The following RNF145 variants were observed in gnomAD, a reference collection of about 807,000 sequenced individuals.
The protein encoded by RNF145 is ring finger protein 145.
In RNF145, 12 loss-of-function variants were observed where a neutral mutation model predicts 57.3. The ratio of observed to expected loss-of-function variants is 0.21; its 90% confidence interval spans 0.13 to 0.34. The LOEUF is 0.34. Among genes scored for constraint, RNF145 ranks in the 10% least tolerant of loss-of-function variants. The pLI is 1.00. For missense variants in RNF145, 429 were observed against 799.0 expected, an observed-to-expected ratio of 0.54 and a Z score of 5.58; for synonymous variants, 262 against 288.3, an observed-to-expected ratio of 0.91 and a Z score of 0.92.
intron 10 of RNF145, 95 bp downstream of exon 10, chr5:159,161,171 G>T: frequency 2.9e-6 from 2 of 691,960 alleles, no homozygotes; most frequent in South Asian, 2.5e-5. Context: ...AGATAATTTT[G>T]CCTAGAAATT....
intron 3 of RNF145, among the ~76,000 whole-genome samples, chr5:159,187,679 T>C (rs1178445595): frequency 6.6e-6 from 1 of 152,138 alleles, no homozygotes; most frequent in Non-Finnish European, 1.5e-5. Context: ...AGACAGCATG[T>C]GACAATGTCT....
intron 1 of RNF145, among the ~76,000 whole-genome samples, chr5:159,206,682 C>T (rs1381432756): frequency 2.0e-5 from 3 of 152,112 alleles, no homozygotes; most frequent in Non-Finnish European, 4.4e-5. Flanking sequence ...TCCTAAAGTA[C>T]AGGGGAGCTC....
In RNF145 at chr5:159,169,831, G is replaced by A. The variant is rs199822773; in HGVS notation, c.798-12C>T. ...AGCATTCCGCAATACTGGAAAAAAA[G>A]AGGGGGAAATTAACAGACATAAACT... On this transcript the variant is annotated splice_polypyrimidine_tract_variant and intron_variant, in intron 6 of 10. Coordinates refer to ENST00000424310, the MANE Select transcript of RNF145 (RefSeq NM_001199383.2). The A allele has an allele frequency of 5.9e-5, 94 of 1,588,614 alleles. No homozygotes were observed. In the East Asian group the frequency reaches 1.7e-3, roughly 29 times the overall value.
intron 3 of RNF145, among the ~76,000 whole-genome samples, chr5:159,184,664 T>C (rs929281343): frequency 3.3e-4 from 50 of 151,954 alleles, no homozygotes; most frequent in Non-Finnish European, 6.6e-4. Context: ...ATTTAACTAA[T>C]AATATTTCTA....
chr5:159,182,580 C>T (rs1051822847), intron 3 of RNF145, among the ~76,000 whole-genome samples: 1 of 152,012 alleles, frequency 6.6e-6, no homozygotes, highest in African/African-American at 2.4e-5. Context: ...TATATGAAAT[C>T]TAAGATAATT....
intron 2 of RNF145, among the ~76,000 whole-genome samples, chr5:159,198,037 C>T (rs904613700): frequency 3.3e-5 from 5 of 151,862 alleles, no homozygotes; most frequent in East Asian, 1.9e-4. Context: ...CTTAGGAGTT[C>T]GAGACCAGCC....
At chr5:159,161,174 T>G (rs756394237) in intron 10 of RNF145, 92 bp downstream of exon 10, 3 of 740,436 alleles carry the variant, frequency 4.1e-6, no homozygotes, top group Admixed American at 5.5e-5. Flanking sequence ...TAATTTTGCC[T>G]AGAAATTTAA....
At chr5:159,163,162 G>A (rs1388636308) in intron 8 of RNF145, 83 bp from the exon 9 acceptor site, 1 of 1,286,964 alleles carries the variant, frequency 7.8e-7, no homozygotes, top group African/African-American at 1.5e-5. Flanking sequence ...CATCTCTGGT[G>A]CCATGATCAA....
chr5:159,168,777 T>C (rs1784460791), intron 8 of RNF145, 96 bp downstream of exon 8: 1 of 775,928 alleles, frequency 1.3e-6, no homozygotes, highest in South Asian at 3.9e-5. Flanking sequence ...CCCATATCCA[T>C]TTTCTGTCTC....
chr5:159,165,357 T>C (rs1340147607), intron 8 of RNF145, among the ~76,000 whole-genome samples: 2 of 152,236 alleles, frequency 1.3e-5, no homozygotes, highest in Admixed American at 6.5e-5. Context: ...TTTCTAAGTA[T>C]TACAAATTTT....
chr5:159,209,974 C>A (rs1786055964), upstream of RNF145: 9 of 1,427,620 alleles, frequency 6.3e-6, no homozygotes, highest in Non-Finnish European at 8.6e-6. Flanking sequence ...AACTCCTTGG[C>A]GTCTGGGATG....
intron 3 of RNF145, among the ~76,000 whole-genome samples, chr5:159,183,004 A>G (rs908953780): frequency 2.0e-5 from 3 of 152,190 alleles, no homozygotes; most frequent in African/African-American, 4.8e-5. Context: ...TTCCTTTAGC[A>G]CTGCATAGCC....
At chr5:159,162,392 T>C (rs558210406) in intron 9 of RNF145, among the ~76,000 whole-genome samples, 188 of 151,762 alleles carry the variant, frequency 1.2e-3, no homozygotes, top group Admixed American at 4.1e-3. Context: ...TCATAAAAAA[T>C]ACAGTGACAT....
intron 2 of RNF145, among the ~76,000 whole-genome samples, chr5:159,202,677 T>C (rs1340902751): frequency 6.6e-6 from 1 of 152,184 alleles, no homozygotes; most frequent in African/African-American, 2.4e-5. Flanking sequence ...AAAACCACTA[T>C]AGTACCATTC....
At chr5:159,184,686 CTTTT>C (rs1785002567) in intron 3 of RNF145, among the ~76,000 whole-genome samples, 3 of 152,138 alleles carry the variant, frequency 2.0e-5, no homozygotes, top group African/African-American at 7.2e-5. Flanking sequence ...CTGCCTTTTA[CTTTT>C]TTATCTTAAA....
At chr5:159,199,389 GAAAAAA>G in intron 2 of RNF145, among the ~76,000 whole-genome samples, 1 of 140,916 alleles carries the variant, frequency 7.1e-6, no homozygotes, top group South Asian at 2.2e-4. Flanking sequence ...GAAAAATCAG[GAAAAAA>G]AAAAAAAACA....
In RNF145 at chr5:159,180,926, G is replaced by A. The variant is rs551932834; in HGVS notation, c.385+1034C>T. On this transcript the variant is annotated intron_variant, in intron 4 of 10. Transcript: ENST00000424310. Reference sequence around the variant, plus strand: ...CACAAGAATGATATAGTGGAATTCTGGCCTCCTGGAAAGGTGAGAGGTGGG... The same window carrying A: ...CACAAGAATGATATAGTGGAATTCTAGCCTCCTGGAAAGGTGAGAGGTGGG... 4.6e-5 allele frequency among the ~76,000 whole-genome samples: 7 copies of A among 151,970 alleles called. No individual in the cohort carries two copies. The East Asian group carries it at 1.4e-3, about 29-fold the overall frequency.
At chr5:159,160,947 A>G (rs530306319) in intron 10 of RNF145, among the ~76,000 whole-genome samples, 27 of 152,308 alleles carry the variant, frequency 1.8e-4, no homozygotes, top group Admixed American at 9.8e-4. Context: ...CCTCATGGAT[A>G]GTATATTCAA....
chr5:159,187,137 C>T (rs916478801), intron 3 of RNF145, among the ~76,000 whole-genome samples: 33 of 145,336 alleles, frequency 2.3e-4, no homozygotes, highest in African/African-American at 8.4e-4. Flanking sequence ...AAAAAATTAG[C>T]CAGGCGTGGT....
Sources: gnomAD v4.1 joint callset for allele counts (sites outside exome capture counted in the v4.1 genomes callset) on GRCh38, gnomAD v4.1.1 for gene constraint, MANE v1.5 for transcripts, NCBI Gene and HGNC (gene_info 2026-07-23, HGNC 2026-07-21) for gene names.